The following SMYD1 variants were observed in gnomAD, a reference collection of about 807,000 sequenced individuals.
The protein encoded by SMYD1 is SET and MYND domain containing 1, also known as histone-lysine N-methyltransferase SMYD1.
SMYD1 carries 49 observed loss-of-function variants against 54.0 expected under a neutral mutation model. The ratio of observed to expected loss-of-function variants is 0.91; its 90% CI spans 0.72 to 1.15. The LOEUF (loss-of-function observed/expected upper bound fraction) is 1.15, where lower values mean the gene tolerates loss of function less well. Ranked by LOEUF, SMYD1 falls within the 50% of genes most tolerant of loss-of-function variation. SMYD1 has a pLI of 0.00. For synonymous variants in SMYD1, 269 were observed against 234.2 expected (o/e 1.15, Z -1.36); for missense variants, 653 against 639.6 (o/e 1.02, Z -0.23).
intron 2 of SMYD1, among the ~76,000 whole-genome samples, chr2:88,087,627 C>T (rs1051498287): frequency 6.6e-6 from 1 of 152,196 alleles, no homozygotes; most frequent in Non-Finnish European, 1.5e-5. Context: ...CAGTCACTCT[C>T]TATCATGCCA....
rs1675017628 is a variant in SMYD1, at chr2:88,111,318, C to T, written c.*806C>T. ...CCTTATTACCAAGCCTTGTGGTTCC[C>T]TGTGATTTTAGATAATGTCTGATAT... On this transcript the variant is annotated 3_prime_UTR_variant, in exon 10 of 10. Coordinates refer to ENST00000419482, the MANE Select transcript of SMYD1 (RefSeq NM_198274.4). The T allele has an allele frequency of 1.3e-5, 2 of 152,166 alleles. No homozygotes were observed. The highest frequency in any genetic ancestry group is 4.8e-5 in the African/African-American group (2 of 41,424). The allele number at this position is 152,166 out of a possible 1,614,324, so 9.4% of individuals were successfully genotyped here.
intron 6 of SMYD1, 122 bp from the exon 7 acceptor site, chr2:88,102,936 C>A: frequency 1.5e-6 from 1 of 688,820 alleles, no homozygotes; most frequent in Non-Finnish European, 2.6e-6. Flanking sequence ...AGGAATGAGG[C>A]ATTCAGAATG....
chr2:88,072,299 T>C (rs1170291060), intron 1 of SMYD1, among the ~76,000 whole-genome samples: 3 of 152,072 alleles, frequency 2.0e-5, no homozygotes, highest in Non-Finnish European at 4.4e-5. Flanking sequence ...TACAGGTGCA[T>C]GCCACCACAC....
At chr2:88,086,287 A>G (rs1371669899) in intron 2 of SMYD1, among the ~76,000 whole-genome samples, 1 of 152,138 alleles carries the variant, frequency 6.6e-6, no homozygotes, top group Admixed American at 6.5e-5. Flanking sequence ...AAAAAAAATG[A>G]GGAGAGGGCC....
chr2:88,070,647 T>G (rs1440320184), intron 1 of SMYD1, among the ~76,000 whole-genome samples: 1 of 152,088 alleles, frequency 6.6e-6, no homozygotes, highest in Non-Finnish European at 1.5e-5. Flanking sequence ...CTACTGCCTT[T>G]TAAATAATAG....
At chr2:88,103,206 C>T (rs763176932) in intron 7 of SMYD1, 56 bp downstream of exon 7, 14 of 1,496,138 alleles carry the variant, frequency 9.4e-6, no homozygotes, top group Non-Finnish European at 1.2e-5. Flanking sequence ...GAAACATTCT[C>T]CAGTAAGGGA....
intron 5 of SMYD1, among the ~76,000 whole-genome samples, chr2:88,094,307 C>T (rs1674527623): frequency 6.6e-6 from 1 of 152,200 alleles, no homozygotes. Context: ...GGAGAGTGCT[C>T]TAGGGACCTT....
At chr2:88,076,811 A>C (rs574805815) in intron 1 of SMYD1, among the ~76,000 whole-genome samples, 1 of 152,284 alleles carries the variant, frequency 6.6e-6, no homozygotes, top group African/African-American at 2.4e-5. Flanking sequence ...GTTTGAGACC[A>C]GCCTGGGCAA....
At position 88,087,864 on chromosome 2, in the gene SMYD1, T is replaced by TC; in HGVS notation, c.317_318insC (p.Ala107GlyfsTer72). On this transcript the variant is annotated frameshift_variant, in exon 3 of 10. Coordinates refer to ENST00000419482, the MANE Select transcript of SMYD1 (RefSeq NM_198274.4). LOFTEE classifies it high-confidence loss of function. The stretch of plus-strand genomic sequence containing the variant: ...TCCTGACGCTGCCCTTCCCACAGGC[T>TC]GGCGGCGCGCATCATGTGGCGGGTG... 2.5e-6 allele frequency: 4 copies of TC among 1,576,312 alleles called. No homozygotes were observed. Among genetic ancestry groups the TC allele is most frequent in the Admixed American group, 1.8e-5 (1 of 56,302 alleles).
intron 8 of SMYD1, among the ~76,000 whole-genome samples, chr2:88,106,907 T>A (rs1254383079): frequency 6.6e-6 from 1 of 152,114 alleles, no homozygotes; most frequent in Non-Finnish European, 1.5e-5. Flanking sequence ...TGCTTAAAAA[T>A]TGTAAAATTC....
chr2:88,108,437 G>T lies in SMYD1; in HGVS notation c.1212G>T (p.Trp404Cys). ...TGATGCGGGCAGGGCTGACCAACTGGCATGCTGGTAACATTGAGGTGGGGC... is the reference window on the plus strand; with the variant it reads ...TGATGCGGGCAGGGCTGACCAACTGTCATGCTGGTAACATTGAGGTGGGGC... ...MAVMRAGLTN[W>C]HAGNIEVGHG... Residue 404 changes from tryptophan to cysteine, a missense_variant, in exon 9 of 10, where the codon TGG becomes TGT. Transcript: ENST00000419482. 6.2e-7 allele frequency: 1 copy of T among 1,613,020 alleles called. No individual in the cohort carries two copies. Among genetic ancestry groups the T allele is most frequent in the Non-Finnish European group, 8.5e-7 (1 of 1,179,528 alleles).
intron 1 of SMYD1, among the ~76,000 whole-genome samples, chr2:88,076,800 A>G (rs1414859639): frequency 1.3e-5 from 2 of 152,136 alleles, no homozygotes; most frequent in Non-Finnish European, 2.9e-5. Context: ...TGAGCTCAAG[A>G]GTTTGAGACC....
intron 5 of SMYD1, among the ~76,000 whole-genome samples, chr2:88,095,478 G>A (rs1340542811): frequency 6.6e-6 from 1 of 152,220 alleles, no homozygotes; most frequent in Non-Finnish European, 1.5e-5. Flanking sequence ...AGACCACAGG[G>A]AAGGGGCTGC....
chr2:88,091,334 T>A (rs1674457946), intron 4 of SMYD1, among the ~76,000 whole-genome samples, 192 bp downstream of exon 4: 1 of 152,218 alleles, frequency 6.6e-6, no homozygotes, highest in Non-Finnish European at 1.5e-5. Flanking sequence ...ATCAAAGAAT[T>A]CAACCTGGGT....
At chr2:88,084,877 A>G (rs912038929) in intron 2 of SMYD1, among the ~76,000 whole-genome samples, 1 of 152,084 alleles carries the variant, frequency 6.6e-6, no homozygotes, top group African/African-American at 2.4e-5. Context: ...CAGCCTCTCA[A>G]CTAGCTGAGA....
chr2:88,090,687 C>T (rs1014307582), intron 3 of SMYD1, among the ~76,000 whole-genome samples: 2 of 152,020 alleles, frequency 1.3e-5, no homozygotes, highest in Admixed American at 6.6e-5. Flanking sequence ...AGAGAAAAAC[C>T]AAGACAGAGA....
chr2:88,100,615 A>G (rs1674699486), intron 6 of SMYD1, among the ~76,000 whole-genome samples: 1 of 152,170 alleles, frequency 6.6e-6, no homozygotes, highest in Non-Finnish European at 1.5e-5. Flanking sequence ...ACTCTGCACA[A>G]CCAGGCAAGA....
In SMYD1 at chr2:88,110,784, G is replaced by A. The variant is rs113591586; in HGVS notation, c.*272G>A. The A allele has an allele frequency of 7.1e-5, 26 of 368,616 alleles. No individual in the cohort carries two copies. The highest frequency in any genetic ancestry group is 2.1e-4 in the African/African-American group (10 of 47,950). 22.8% of individuals were successfully genotyped at this position (368,616 alleles called of 1,614,324 possible). On this transcript the variant is annotated 3_prime_UTR_variant, in exon 10 of 10. Coordinates refer to ENST00000419482, the MANE Select transcript of SMYD1 (RefSeq NM_198274.4). ...ACCCAATAAAGGAGCTCCAAATGTC[G>A]TTGGGTGGGGAAGCAAAATGTAGAG... is the stretch of plus-strand genomic sequence containing the variant.
intron 1 of SMYD1, among the ~76,000 whole-genome samples, chr2:88,068,351 C>G (rs1349828692): frequency 6.6e-6 from 1 of 152,034 alleles, no homozygotes; most frequent in African/African-American, 2.4e-5. Context: ...TTTTAGCTTT[C>G]TTTTTATTAT....
Sources: allele counts gnomAD v4.1 joint callset (sites outside exome capture counted in the v4.1 genomes callset), GRCh38; gene constraint gnomAD v4.1.1; transcripts MANE v1.5; gene names NCBI Gene and HGNC (gene_info 2026-07-23, HGNC 2026-07-21).